The following SYNE2 variants were observed in gnomAD, a reference collection of about 807,000 sequenced individuals.
SYNE2 encodes the protein spectrin repeat containing nuclear envelope protein 2.
In SYNE2, 431 loss-of-function variants were observed where a neutral mutation model predicts 856.3. The observed-to-expected ratio is 0.50, with a 90% CI of 0.47 to 0.55. The LOEUF is 0.55. SYNE2 is among the 20% of genes least tolerant of loss of function. The pLI, the probability that SYNE2 is intolerant of heterozygous loss-of-function variation, is 0.00. For synonymous variants in SYNE2, 2,923 were observed against 2,872.3 expected (o/e 1.02, Z -0.56); for missense variants, 8,129 against 8,023.2 (o/e 1.01, Z -0.50).
chr14:63,868,382 A>G (rs1252566635), intron 1 of SYNE2, among the ~76,000 whole-genome samples: 1 of 151,412 alleles, frequency 6.6e-6, no homozygotes, highest in African/African-American at 2.4e-5. Context: ...AGCTGATGTG[A>G]GAGGATTGTT....
chr14:64,034,888 C>T (rs1308633210), intron 45 of SYNE2, among the ~76,000 whole-genome samples: 2 of 150,648 alleles, frequency 1.3e-5, no homozygotes, highest in African/African-American at 2.4e-5. Context: ...TAAAGAGAAA[C>T]GATAAAGAGG....
At chr14:64,065,779 G>T in intron 51 of SYNE2, 129 bp downstream of exon 51, 1 of 1,010,824 alleles carries the variant, frequency 9.9e-7, no homozygotes, top group East Asian at 2.6e-5. Context: ...ACTTATACAT[G>T]ATACATAAAT....
rs34467643 is a variant in SYNE2, at chr14:64,217,741, GTTTTTT to G, written c.19543-652_19543-647del. Among the ~76,000 whole-genome samples, 4 of 149,368 alleles carry G rather than the reference GTTTTTT, an allele frequency of 2.7e-5. No homozygotes were observed. In the East Asian group the frequency reaches 7.8e-4, roughly 29 times the overall value. On this transcript the variant is annotated intron_variant, in intron 108 of 115. Transcript: ENST00000555002. The stretch of plus-strand genomic sequence containing the variant: ...CAGATGTATCACCACAAATCTGAAG[GTTTTTT>G]TTTTATTATTTTCATTCTGCACAAA...
intron 1 of SYNE2, among the ~76,000 whole-genome samples, chr14:63,825,111 A>C (rs1889372296): frequency 6.6e-6 from 1 of 152,192 alleles, no homozygotes; most frequent in South Asian, 2.1e-4. Context: ...AAAAAAAGTT[A>C]GGGACAGACA....
At chr14:64,062,130 A>C (rs1235202957) in intron 49 of SYNE2, among the ~76,000 whole-genome samples, 1 of 152,142 alleles carries the variant, frequency 6.6e-6, no homozygotes, top group East Asian at 1.9e-4. Context: ...ATCCAGCTTT[A>C]TTTTAAAATT....
At chr14:63,839,885 A>T (rs1889990028) in intron 1 of SYNE2, among the ~76,000 whole-genome samples, 1 of 152,232 alleles carries the variant, frequency 6.6e-6, no homozygotes, top group Non-Finnish European at 1.5e-5. Context: ...TTTGGTTATC[A>T]CGTTTAAATT....
intron 53 of SYNE2, 192 bp from the exon 54 acceptor site, chr14:64,075,753 A>C: frequency 1.7e-6 from 1 of 585,086 alleles, no homozygotes; most frequent in African/African-American, 1.9e-5. Flanking sequence ...TTTAATTCTT[A>C]CAAATTAGAA....
chr14:64,071,260 T>C (rs990738852), intron 52 of SYNE2, among the ~76,000 whole-genome samples: 17 of 151,748 alleles, frequency 1.1e-4, no homozygotes, highest in Non-Finnish European at 2.5e-4. Flanking sequence ...TTTGGGAGGC[T>C]GAGGCGGGCA....
At chr14:64,079,206 A>G (rs1160991064) in intron 55 of SYNE2, among the ~76,000 whole-genome samples, 1 of 152,364 alleles carries the variant, frequency 6.6e-6, no homozygotes, top group Non-Finnish European at 1.5e-5. Context: ...AAATCATTCA[A>G]TAGAATATGA....
chr14:64,165,167 A>G, intron 89 of SYNE2, 118 bp from the exon 90 acceptor site: 1 of 1,042,398 alleles, frequency 9.6e-7, no homozygotes, highest in Non-Finnish European at 1.5e-6. Flanking sequence ...GATTACAGCC[A>G]TGAGCCACCG....
At chr14:64,025,513 G>A (rs1316975628) in intron 41 of SYNE2, 92 bp downstream of exon 41, 11 of 1,263,526 alleles carry the variant, frequency 8.7e-6, no homozygotes, top group Non-Finnish European at 1.2e-5. Context: ...CTTCTTAATG[G>A]AAAATCAGAT....
chr14:64,140,338 C>A (rs190772064), intron 80 of SYNE2, among the ~76,000 whole-genome samples: 3 of 152,336 alleles, frequency 2.0e-5, no homozygotes, highest in Admixed American at 2.0e-4. Flanking sequence ...AATCCCAGCA[C>A]TTTGGGAGGC....
At chr14:64,194,386 A>C (rs1486960710) in intron 99 of SYNE2, among the ~76,000 whole-genome samples, 2 of 151,710 alleles carry the variant, frequency 1.3e-5, no homozygotes, top group Non-Finnish European at 2.9e-5. Flanking sequence ...TCTACCTTTC[A>C]GGCTCAAACA....
chr14:64,202,542 T>A (rs1364680976), intron 99 of SYNE2, among the ~76,000 whole-genome samples: 1 of 152,202 alleles, frequency 6.6e-6, no homozygotes, highest in African/African-American at 2.4e-5. Flanking sequence ...ATGATAGGAC[T>A]TCCATTTGCA....
chr14:64,163,632 T>C, intron 89 of SYNE2, 51 bp downstream of exon 89: 1 of 1,604,416 alleles, frequency 6.2e-7, no homozygotes, highest in East Asian at 2.2e-5. Context: ...TTGCATTCCA[T>C]CCTCAATCCC....
intron 84 of SYNE2, among the ~76,000 whole-genome samples, chr14:64,150,998 G>T (rs2098236763): frequency 6.6e-6 from 1 of 152,178 alleles, no homozygotes; most frequent in Admixed American, 6.5e-5. Context: ...TGTTACGACA[G>T]TGAGAGGTTT....
chr14:64,209,850 C>T, intron 102 of SYNE2, 92 bp from the exon 103 acceptor site: 3 of 1,552,864 alleles, frequency 1.9e-6, no homozygotes, highest in South Asian at 1.1e-5. Flanking sequence ...TGGGGATGAA[C>T]CCCTGGCAGC....
intron 59 of SYNE2, 66 bp from the exon 60 acceptor site, chr14:64,090,800 A>G: frequency 7.2e-7 from 1 of 1,389,912 alleles, no homozygotes. Flanking sequence ...TTAATTTTGA[A>G]TAATTAAATT....
intron 49 of SYNE2, among the ~76,000 whole-genome samples, chr14:64,057,290 T>C (rs548443394): frequency 1.3e-5 from 2 of 152,280 alleles, no homozygotes; most frequent in East Asian, 3.9e-4. Context: ...TCCCAGTCTC[T>C]GGTAACCATC....
Sources: allele counts gnomAD v4.1 joint callset (sites outside exome capture counted in the v4.1 genomes callset), GRCh38; gene constraint gnomAD v4.1.1; transcripts MANE v1.5; gene names NCBI Gene and HGNC (gene_info 2026-07-23, HGNC 2026-07-21).